The following SMARCB1 variants were observed in gnomAD, a reference collection of about 807,000 sequenced individuals.
SMARCB1 encodes the protein SWI/SNF-related matrix-associated actin-dependent regulator of chromatin subfamily B member 1.
SMARCB1 carries 5 observed loss-of-function variants against 49.0 expected under a neutral mutation model. That is an observed-to-expected ratio of 0.10 (90% CI 0.05 to 0.21). The LOEUF (loss-of-function observed/expected upper bound fraction) is 0.21, where lower values mean the gene tolerates loss of function less well. Among genes scored for constraint, SMARCB1 ranks in the 10% least tolerant of loss-of-function variants. The pLI is 1.00. For missense variants in SMARCB1, 226 were observed against 509.2 expected (o/e 0.44, Z 5.35); for synonymous variants, 201 against 200.1 (o/e 1.00, Z -0.04).
rs777681289 is a variant in SMARCB1 at position 23,834,188 on chromosome 22, A to G, written c.*8A>G. On this transcript the variant is annotated 3_prime_UTR_variant, in exon 9 of 9. Transcript: ENST00000644036. ...ACGGCCCCGGCCTGGTAACCAGCCC[A>G]TCAGCACACGGCTCCCACGGAGCAT... 6 of 1,586,316 alleles carry G rather than the reference A, an allele frequency of 3.8e-6. No homozygotes were observed. Among genetic ancestry groups the G allele is most frequent in the South Asian group, 3.5e-5 (3 of 86,896 alleles).
At chr22:23,791,219 A>G (rs929514720) in intron 1 of SMARCB1, among the ~76,000 whole-genome samples, 1 of 152,224 alleles carries the variant, frequency 6.6e-6, no homozygotes, top group Admixed American at 6.5e-5. Context: ...GTCAGTGATG[A>G]TTTATATAGC....
chr22:23,793,781 C>CA, intron 3 of SMARCB1, 93 bp downstream of exon 3: 1 of 776,314 alleles, frequency 1.3e-6, no homozygotes, highest in Middle Eastern at 3.4e-4. Flanking sequence ...AATTGAAACA[C>CA]TTTTTTTTTT....
intron 1 of SMARCB1, among the ~76,000 whole-genome samples, chr22:23,789,236 G>T (rs1928216105): frequency 6.6e-6 from 1 of 152,206 alleles, no homozygotes; most frequent in African/African-American, 2.4e-5. Flanking sequence ...AGATGCCAGT[G>T]CTGGGGAGGT....
intron 2 of SMARCB1, 151 bp from the exon 3 acceptor site, chr22:23,793,408 T>G: frequency 1.2e-6 from 1 of 825,818 alleles, no homozygotes. Context: ...ATTGCCCTTT[T>G]GGAAGAGGCC....
chr22:23,831,834 A>G (rs1020312891), intron 7 of SMARCB1, among the ~76,000 whole-genome samples: 2 of 152,132 alleles, frequency 1.3e-5, no homozygotes, highest in African/African-American at 4.8e-5. Flanking sequence ...TGGTCCCTAG[A>G]CTGCTAAACC....
chr22:23,797,144 G>T (rs1238892587), intron 3 of SMARCB1, among the ~76,000 whole-genome samples: 1 of 147,914 alleles, frequency 6.8e-6, no homozygotes, highest in Non-Finnish European at 1.5e-5. Flanking sequence ...GACTACAGGC[G>T]CCCGCCACCT....
chr22:23,789,677 AC>A (rs946233640), intron 1 of SMARCB1, among the ~76,000 whole-genome samples: 1 of 152,170 alleles, frequency 6.6e-6, no homozygotes, highest in Non-Finnish European at 1.5e-5. Context: ...TCTTCCTGAG[AC>A]CCAGGCTGTA....
chr22:23,825,365 A>T lies in SMARCB1; in HGVS notation c.936A>T (p.Ala312=). 6.2e-7 allele frequency: 1 copy of T among 1,614,146 alleles called. No homozygotes were observed. The highest frequency in any genetic ancestry group is 1.1e-5 in the South Asian group (1 of 91,088). The change falls in exon 7 of 9, where the codon GCA becomes GCT. Residue 312 remains alanine, a synonymous_variant. Coordinates refer to ENST00000644036, the MANE Select transcript of SMARCB1 (RefSeq NM_003073.5). The stretch of plus-strand genomic sequence containing the variant: ...GCGGGGAGTTTGTCACCACCATCGC[A>T]TACAGCATCCGGGGACAGCTGAGCT... ...GLGGEFVTTI[A]YSIRGQLSWH...
rs768360679 is a variant in SMARCB1 at position 23,791,860 on chromosome 22, G to C, written c.198G>C (p.Ser66=). ...AAGAGAGGAAGAAAATAGTTGCATC[G>C]TCACATGGTAAAAAAACAAAACCTA... ...TVEERKKIVA[S]SHGKKTKPNT... The change falls in exon 2 of 9, where the codon TCG becomes TCC. Residue 66 remains serine (S), a synonymous_variant. Coordinates refer to ENST00000644036, the MANE Select transcript of SMARCB1 (RefSeq NM_003073.5). 6.2e-7 allele frequency: 1 copy of C among 1,614,132 alleles called. No individual in the cohort carries two copies. The highest frequency in any genetic ancestry group is 1.1e-5 in the South Asian group (1 of 91,086).
At chr22:23,800,592 T>C (rs893328477) in intron 3 of SMARCB1, among the ~76,000 whole-genome samples, 5 of 152,160 alleles carry the variant, frequency 3.3e-5, no homozygotes, top group East Asian at 1.9e-4. Flanking sequence ...GAACCCTGAC[T>C]CAGTGTCTAA....
chr22:23,837,827 A>G lies in SMARCB1; in HGVS notation c.*3647A>G. On this transcript the variant is annotated 3_prime_UTR_variant, in exon 9 of 9. Transcript: ENST00000644036. ...ATGGCCATGAGGGCCTGGCCCAGGAAGAACAGGCTGCCCAGGAGTCCCAGC... is the reference window on the plus strand; with the variant it reads ...ATGGCCATGAGGGCCTGGCCCAGGAGGAACAGGCTGCCCAGGAGTCCCAGC... The G allele has an allele frequency of 6.2e-7, 1 of 1,613,364 alleles. No individual in the cohort carries two copies. Among genetic ancestry groups the G allele is most frequent in the South Asian group, 1.1e-5 (1 of 91,068 alleles).
chr22:23,810,527 CAAAAAAA>C (rs201408640), intron 5 of SMARCB1, among the ~76,000 whole-genome samples: 2 of 79,572 alleles, frequency 2.5e-5, no homozygotes, highest in Non-Finnish European at 4.4e-5. Flanking sequence ...GACTCTGTCT[CAAAAAAA>C]AAAAAAAAAA....
rs558173581 is a variant in SMARCB1 at position 23,835,151 on chromosome 22, G to A, written c.*971G>A. ...TGGTGCCAGCTCTTGGAGTTGACACGGTACAGGGAGGAGACACAGCCCAGG... is the reference window on the plus strand; with the variant it reads ...TGGTGCCAGCTCTTGGAGTTGACACAGTACAGGGAGGAGACACAGCCCAGG... On this transcript the variant is annotated 3_prime_UTR_variant, in exon 9 of 9. Coordinates refer to ENST00000644036, the MANE Select transcript of SMARCB1 (RefSeq NM_003073.5). The A allele has an allele frequency of 6.9e-5, 91 of 1,326,426 alleles. No individual in the cohort carries two copies. The highest frequency in any genetic ancestry group is 8.3e-5 in the Non-Finnish European group (86 of 1,041,350). The allele number at this position is 1,326,426 out of a possible 1,614,324, so 82.2% of individuals were successfully genotyped here.
At chr22:23,803,138 C>T (rs1445292164) in intron 4 of SMARCB1, 157 bp from the exon 5 acceptor site, 23 of 927,542 alleles carry the variant, frequency 2.5e-5, no homozygotes, top group Non-Finnish European at 3.8e-5. Flanking sequence ...CCCCGGGACC[C>T]CTGCTAGCCT....
At position 23,797,661 on chromosome 22, in the gene SMARCB1, A is replaced by G. The variant is rs1260436175; in HGVS notation, c.363-3283A>G. 3.6e-5 allele frequency among the ~76,000 whole-genome samples: 4 copies of G among 112,664 alleles called. No homozygotes were observed. The East Asian group carries it at 1.2e-3, about 33-fold the overall frequency. 73.9% of individuals were successfully genotyped at this position (112,664 alleles called of 152,430 possible). A position where few individuals can be genotyped will look rare whatever the true frequency, so the allele number is the denominator to read the frequency against. ...GAGATCGAGTTTCGCTCTGTCACCC[A>G]GGCTGGAGTGAAGTGGCGGGATCTC... On this transcript the variant is annotated intron_variant, in intron 3 of 8. Coordinates refer to ENST00000644036, the MANE Select transcript of SMARCB1 (RefSeq NM_003073.5).
chr22:23,793,726 T>G, intron 3 of SMARCB1, 38 bp downstream of exon 3: 1 of 1,608,784 alleles, frequency 6.2e-7, no homozygotes, highest in Non-Finnish European at 8.5e-7. Flanking sequence ...TGGGGACACC[T>G]GTGGGGTCTT....
chr22:23,788,144 G>A (rs1406068213), intron 1 of SMARCB1, among the ~76,000 whole-genome samples: 1 of 152,054 alleles, frequency 6.6e-6, no homozygotes, highest in Non-Finnish European at 1.5e-5. Context: ...AAAGTGCTAG[G>A]ATTACAGGCA....
rs987029632 is a variant in SMARCB1, at chr22:23,787,348, C to T, written c.93+86C>T. ...CCCATGCGCCGAGAGCGCGCGTCTC[C>T]ATTCATCGGGGCGGGCGGGCGCGCG... On this transcript the variant is annotated intron_variant, in intron 1 of 8. Transcript: ENST00000644036. 1.4e-4 allele frequency: 106 copies of T among 765,656 alleles called. No homozygotes were observed. In the Middle Eastern group the frequency reaches 2.4e-3, roughly 18 times the overall value. 47.4% of individuals were successfully genotyped at this position (765,656 alleles called of 1,614,324 possible).
Position 23,836,302 on chromosome 22 carries a change from G to A in SMARCB1, c.*2122G>A. The A allele has an allele frequency of 2.0e-6, 2 of 985,520 alleles. No homozygotes were observed. Among genetic ancestry groups the A allele is most frequent in the African/African-American group, 1.7e-5 (1 of 57,380 alleles). 61.0% of individuals were successfully genotyped at this position (985,520 alleles called of 1,614,324 possible). A position where few individuals can be genotyped will look rare whatever the true frequency, so the allele number is the denominator to read the frequency against. The stretch of plus-strand genomic sequence containing the variant: ...TGAAAAATGAGGCATACGCCCACCT[G>A]TCAGGGTGGCTGATGAGAGACAGGA... On this transcript the variant is annotated 3_prime_UTR_variant, in exon 9 of 9. Coordinates refer to ENST00000644036, the MANE Select transcript of SMARCB1 (RefSeq NM_003073.5).
Sources: gnomAD v4.1 joint callset for allele counts (sites outside exome capture counted in the v4.1 genomes callset) on GRCh38, gnomAD v4.1.1 for gene constraint, MANE v1.5 for transcripts, NCBI Gene and HGNC (gene_info 2026-07-23, HGNC 2026-07-21) for gene names.